The following HS3ST3A1 variants were observed in gnomAD, a reference collection of about 807,000 sequenced individuals.
HS3ST3A1 encodes the protein heparan sulfate-glucosamine 3-sulfotransferase 3A1.
Under a neutral mutation model 25.7 loss-of-function variants are expected in HS3ST3A1, and 19 were observed. That is an observed-to-expected ratio of 0.74 (90% CI 0.52 to 1.08). HS3ST3A1 has a LOEUF of 1.08. HS3ST3A1 is among the 50% of genes least tolerant of loss of function. The probability of loss-of-function intolerance (pLI) is 0.00; values close to 1 mark genes in which losing one functional copy is unlikely to be tolerated. For missense variants in HS3ST3A1, 459 were observed against 594.3 expected, an observed-to-expected ratio of 0.77 and a Z score of 2.37; for synonymous variants, 226 against 278.6, an observed-to-expected ratio of 0.81 and a Z score of 1.88.
intron 1 of HS3ST3A1, among the ~76,000 whole-genome samples, chr17:13,585,186 CTTTTTTTTTTTTTTT>C (rs71144977): frequency 1.5e-4 from 5 of 33,234 alleles, no homozygotes; most frequent in African/African-American, 2.4e-4. Flanking sequence ...TTTTTCTGTG[CTTTTTTTTTTTTTTT>C]TTTTTTTTTT....
chr17:13,589,888 T>A (rs1908375284), intron 1 of HS3ST3A1, among the ~76,000 whole-genome samples: 1 of 152,204 alleles, frequency 6.6e-6, no homozygotes, highest in Non-Finnish European at 1.5e-5. Flanking sequence ...ATACCTGAAC[T>A]TAATGAGAAT....
intron 1 of HS3ST3A1, among the ~76,000 whole-genome samples, chr17:13,522,379 G>A (rs28454210): frequency 1.3e-5 from 2 of 151,996 alleles, no homozygotes; most frequent in East Asian, 3.9e-4. Flanking sequence ...CTTTTGTTTG[G>A]TTGTTTTAAT....
At chr17:13,590,178 C>T (rs1404919423) in intron 1 of HS3ST3A1, among the ~76,000 whole-genome samples, 1 of 152,000 alleles carries the variant, frequency 6.6e-6, no homozygotes, top group African/African-American at 2.4e-5. Context: ...TTCCAAGGAC[C>T]CAAAGACCAA....
chr17:13,499,195 T>G (rs981184634), intron 1 of HS3ST3A1, among the ~76,000 whole-genome samples: 1 of 152,310 alleles, frequency 6.6e-6, no homozygotes, highest in Admixed American at 6.5e-5. Context: ...TAACCACCTA[T>G]GTGATGCAGA....
At chr17:13,521,120 C>T (rs1906221174) in intron 1 of HS3ST3A1, among the ~76,000 whole-genome samples, 1 of 152,210 alleles carries the variant, frequency 6.6e-6, no homozygotes, top group Non-Finnish European at 1.5e-5. Context: ...CAAACTCTTG[C>T]TTCTGAGTTT....
Position 13,501,141 on chromosome 17 carries a change from T to C in HS3ST3A1, c.600-4323A>G, listed in dbSNP as rs551441787. On this transcript the variant is annotated intron_variant, in intron 1 of 1. Transcript: ENST00000284110. ...ACAGAGAACTATTGTTCAGTAGGTA[T>C]GAAGTTTGAGTTTCGTAAGATTAAA... 2.6e-5 allele frequency among the ~76,000 whole-genome samples: 4 copies of C among 152,324 alleles called. No individual in the cohort carries two copies. The South Asian group carries it at 6.2e-4, about 24-fold the overall frequency.
intron 1 of HS3ST3A1, among the ~76,000 whole-genome samples, chr17:13,600,290 C>T (rs1908684236): frequency 1.3e-5 from 2 of 152,142 alleles, no homozygotes; most frequent in African/African-American, 4.8e-5. Context: ...TGGCTATTTG[C>T]TGGCAAGGGA....
chr17:13,562,683 C>G (rs1387230347), intron 1 of HS3ST3A1, among the ~76,000 whole-genome samples: 2 of 152,100 alleles, frequency 1.3e-5, no homozygotes, highest in African/African-American at 4.8e-5. Flanking sequence ...GCTCTAAGTC[C>G]TGTTTTTCTA....
chr17:13,597,869 A>G (rs1279419942), intron 1 of HS3ST3A1, among the ~76,000 whole-genome samples: 1 of 152,222 alleles, frequency 6.6e-6, no homozygotes, highest in Non-Finnish European at 1.5e-5. Context: ...CTCATTCTCC[A>G]AGACACTTTC....
chr17:13,566,454 G>A (rs572543792), intron 1 of HS3ST3A1, among the ~76,000 whole-genome samples: 2 of 152,136 alleles, frequency 1.3e-5, no homozygotes, highest in East Asian at 1.9e-4. Flanking sequence ...TCCCTACAAC[G>A]TTATAAATGT....
chr17:13,499,193 T>C (rs1905379076), intron 1 of HS3ST3A1, among the ~76,000 whole-genome samples: 1 of 152,194 alleles, frequency 6.6e-6, no homozygotes, highest in Non-Finnish European at 1.5e-5. Context: ...CATAACCACC[T>C]ATGTGATGCA....
chr17:13,548,384 T>G (rs2142353228), intron 1 of HS3ST3A1, among the ~76,000 whole-genome samples: 1 of 152,336 alleles, frequency 6.6e-6, no homozygotes, highest in South Asian at 2.1e-4. Flanking sequence ...ACTCTCATCC[T>G]CTCACTTAAG....
intron 1 of HS3ST3A1, among the ~76,000 whole-genome samples, chr17:13,573,968 T>G (rs1361318018): frequency 6.6e-6 from 1 of 152,144 alleles, no homozygotes; most frequent in African/African-American, 2.4e-5. Flanking sequence ...GCCTTGGTCT[T>G]AGACTTTCCA....
At chr17:13,581,314 A>G (rs934757633) in intron 1 of HS3ST3A1, among the ~76,000 whole-genome samples, 1 of 152,054 alleles carries the variant, frequency 6.6e-6, no homozygotes, top group Non-Finnish European at 1.5e-5. Flanking sequence ...TAAAAATACA[A>G]AAATTAGCTG....
intron 1 of HS3ST3A1, among the ~76,000 whole-genome samples, chr17:13,584,725 C>T (rs1255195795): frequency 6.6e-6 from 1 of 152,134 alleles, no homozygotes; most frequent in African/African-American, 2.4e-5. Context: ...ATACAGTAAG[C>T]ACATTCTAAA....
At chr17:13,503,228 A>T (rs1444260261) in intron 1 of HS3ST3A1, among the ~76,000 whole-genome samples, 1 of 152,046 alleles carries the variant, frequency 6.6e-6, no homozygotes, top group Non-Finnish European at 1.5e-5. Context: ...ATAAGTAAAA[A>T]TAGCTACACA....
intron 1 of HS3ST3A1, among the ~76,000 whole-genome samples, chr17:13,580,772 T>A (rs998746119): frequency 6.6e-6 from 1 of 152,030 alleles, no homozygotes; most frequent in African/African-American, 2.4e-5. Flanking sequence ...ATGCCTATAA[T>A]CCCAGCTACT....
chr17:13,583,129 C>T (rs987852873), intron 1 of HS3ST3A1, among the ~76,000 whole-genome samples: 3 of 152,200 alleles, frequency 2.0e-5, no homozygotes, highest in African/African-American at 7.2e-5. Flanking sequence ...AACATTTCGG[C>T]ATCTGTGAAT....
Position 13,582,713 on chromosome 17 carries a change from T to C in HS3ST3A1, c.599+17818A>G, listed in dbSNP as rs557836813. Among the ~76,000 whole-genome samples the C allele has an allele frequency of 2.0e-5, 3 of 152,374 alleles. No homozygotes were observed. The South Asian group carries it at 6.2e-4, about 32-fold the overall frequency. On this transcript the variant is annotated intron_variant, in intron 1 of 1. Coordinates refer to ENST00000284110, the MANE Select transcript of HS3ST3A1 (RefSeq NM_006042.3). Reference sequence around the variant, plus strand: ...CATAGTACTACTTTCTCATTCATTATATTACTTAATGATTTTCATGCTTTC... The same window carrying C: ...CATAGTACTACTTTCTCATTCATTACATTACTTAATGATTTTCATGCTTTC...
Sources: gnomAD v4.1 joint callset for allele counts (sites outside exome capture counted in the v4.1 genomes callset) on GRCh38, gnomAD v4.1.1 for gene constraint, MANE v1.5 for transcripts, NCBI Gene and HGNC (gene_info 2026-07-23, HGNC 2026-07-21) for gene names.